The following EDAR variants were observed in gnomAD, a reference collection of about 807,000 sequenced individuals.
EDAR encodes the protein ectodysplasin A receptor.
A neutral mutation model predicts 51.3 loss-of-function variants in EDAR; 38 were observed. The ratio of observed to expected loss-of-function variants is 0.74; its 90% confidence interval spans 0.57 to 0.97. The LOEUF is 0.97. Ranked by LOEUF, EDAR falls within the 50% of genes least tolerant of loss-of-function variation. The pLI, the probability that EDAR is intolerant of heterozygous loss-of-function variation, is 0.00. For missense variants in EDAR, 528 were observed against 595.0 expected (o/e 0.89, Z 1.17); for synonymous variants, 227 against 242.1 (o/e 0.94, Z 0.58).
At chr2:108,910,388 A>G (rs1449013902) in intron 9 of EDAR, 72 bp downstream of exon 9, 2 of 1,274,952 alleles carry the variant, frequency 1.6e-6, no homozygotes, top group Non-Finnish European at 2.3e-6. Context: ...ACTCGGCTGC[A>G]CCCTGGTTCC....
intron 1 of EDAR, among the ~76,000 whole-genome samples, chr2:108,973,343 G>A (rs1441095449): frequency 6.6e-6 from 1 of 152,206 alleles, no homozygotes; most frequent in Non-Finnish European, 1.5e-5. Context: ...ACCATTAGAA[G>A]CTGACTCAGG....
At chr2:108,942,816 A>G (rs1302822210) in intron 1 of EDAR, among the ~76,000 whole-genome samples, 5 of 152,238 alleles carry the variant, frequency 3.3e-5, no homozygotes, top group Non-Finnish European at 7.3e-5. Context: ...AGAAAACTCA[A>G]CAGCAGCAAC....
chr2:108,917,313 C>A (rs562473905), intron 5 of EDAR, among the ~76,000 whole-genome samples: 1 of 152,006 alleles, frequency 6.6e-6, no homozygotes, highest in African/African-American at 2.4e-5. Context: ...AAAGTCCAGC[C>A]GGGCAGGAGG....
chr2:108,925,632 C>T (rs57390317), intron 4 of EDAR, among the ~76,000 whole-genome samples: 3,391 of 139,190 alleles, frequency 0.024, 141 homozygotes, highest in African/African-American at 0.1. Context: ...TTTTTTTTTT[C>T]CCCCTGAAAC....
At chr2:108,910,704 T>C in intron 8 of EDAR, 72 bp downstream of exon 8, 1 of 1,557,222 alleles carries the variant, frequency 6.4e-7, no homozygotes, top group Non-Finnish European at 8.8e-7. Flanking sequence ...GCGAGGAGGC[T>C]GCTTCTGGGA....
intron 1 of EDAR, among the ~76,000 whole-genome samples, chr2:108,969,897 C>A (rs1311413302): frequency 6.6e-6 from 1 of 152,202 alleles, no homozygotes; most frequent in Non-Finnish European, 1.5e-5. Context: ...TTAGAGAAGG[C>A]TTCAGGAGAA....
chr2:108,954,569 AGCC>A (rs1697884578), intron 1 of EDAR, among the ~76,000 whole-genome samples: 2 of 151,942 alleles, frequency 1.3e-5, no homozygotes, highest in Non-Finnish European at 2.9e-5. Flanking sequence ...CATCCCACCC[AGCC>A]CTGTGCCTGG....
chr2:108,931,281 C>T (rs917259693), intron 1 of EDAR, among the ~76,000 whole-genome samples: 2 of 152,210 alleles, frequency 1.3e-5, no homozygotes, highest in Non-Finnish European at 2.9e-5. Flanking sequence ...ACACGGAGGG[C>T]CCAAGGTTAA....
intron 1 of EDAR, among the ~76,000 whole-genome samples, chr2:108,980,061 C>T (rs910475880): frequency 2.3e-5 from 3 of 131,964 alleles, no homozygotes; most frequent in African/African-American, 8.9e-5. Context: ...TCACACTTAA[C>T]AGATCGCCCA....
chr2:108,952,420 T>C (rs773585752), intron 1 of EDAR, among the ~76,000 whole-genome samples: 2 of 152,246 alleles, frequency 1.3e-5, no homozygotes, highest in African/African-American at 2.4e-5. Context: ...ATTTTTAAAA[T>C]ACTCTATTAT....
At chr2:108,970,150 G>A (rs756997712) in intron 1 of EDAR, among the ~76,000 whole-genome samples, 16 of 152,250 alleles carry the variant, frequency 1.1e-4, no homozygotes, top group Middle Eastern at 3.4e-3. Context: ...TGCACTGAGA[G>A]GGGAGCATCG....
Position 108,989,151 on chromosome 2 carries a change from C to G in EDAR, c.-210G>C, listed in dbSNP as rs1236131991. 1 of 152,762 alleles carries G rather than the reference C, an allele frequency of 6.5e-6. No homozygotes were observed. Among genetic ancestry groups the G allele is most frequent in the African/African-American group, 2.4e-5 (1 of 41,448 alleles). 9.5% of individuals were successfully genotyped at this position (152,762 alleles called of 1,614,324 possible). On this transcript the variant is annotated 5_prime_UTR_variant, in exon 1 of 12. Transcript: ENST00000258443. ...TGGCACACCTCTCTGACACTAGCCC[C>G]GCTTCCTTTCCGTTTAAAGGGCTTC...
chr2:108,931,638 G>A (rs1024283017), intron 1 of EDAR, among the ~76,000 whole-genome samples: 8 of 152,350 alleles, frequency 5.3e-5, no homozygotes, highest in East Asian at 1.9e-4. Context: ...GATTGAGCAT[G>A]GCTGCAGCTG....
chr2:108,969,012 C>T (rs954380856), intron 1 of EDAR, among the ~76,000 whole-genome samples: 3 of 152,178 alleles, frequency 2.0e-5, no homozygotes, highest in African/African-American at 7.2e-5. Flanking sequence ...CAGAAGCTCC[C>T]GGAATCAGCA....
At chr2:108,919,761 C>G (rs759448678) in intron 5 of EDAR, among the ~76,000 whole-genome samples, 9 of 152,164 alleles carry the variant, frequency 5.9e-5, no homozygotes, top group Non-Finnish European at 1.3e-4. Context: ...CAGTGTAGGT[C>G]AGCGAGGCTC....
chr2:108,981,591 C>T (rs1008306936), intron 1 of EDAR, among the ~76,000 whole-genome samples: 9 of 152,166 alleles, frequency 5.9e-5, no homozygotes, highest in Admixed American at 2.6e-4. Context: ...GGAGTTCAGC[C>T]ATGTTTAGCA....
chr2:108,968,393 T>C (rs1230517183), intron 1 of EDAR, among the ~76,000 whole-genome samples: 1 of 152,208 alleles, frequency 6.6e-6, no homozygotes, highest in Admixed American at 6.5e-5. Context: ...TGCATCCTTT[T>C]GACTGTTGAA....
chr2:108,920,984 T>C (rs761491360), intron 5 of EDAR, among the ~76,000 whole-genome samples: 1 of 152,148 alleles, frequency 6.6e-6, no homozygotes, highest in Non-Finnish European at 1.5e-5. Flanking sequence ...CCTACCGTAG[T>C]GGTTCCCAAA....
intron 1 of EDAR, among the ~76,000 whole-genome samples, chr2:108,958,138 G>A (rs1697960475): frequency 2.0e-5 from 3 of 152,040 alleles, no homozygotes; most frequent in Admixed American, 2.0e-4. Context: ...CCTCCTCCAG[G>A]CCCAGGAGAA....
Sources: gnomAD v4.1 joint callset for allele counts (sites outside exome capture counted in the v4.1 genomes callset) on GRCh38, gnomAD v4.1.1 for gene constraint, MANE v1.5 for transcripts, NCBI Gene and HGNC (gene_info 2026-07-23, HGNC 2026-07-21) for gene names.